The following UTS2 variants were observed in gnomAD, a reference collection of about 807,000 sequenced individuals.
The protein encoded by UTS2 is urotensin 2.
A neutral mutation model predicts 12.6 loss-of-function variants in UTS2; 10 were observed. The ratio of observed to expected loss-of-function variants is 0.80; its 90% confidence interval spans 0.49 to 1.35. UTS2 has a LOEUF of 1.35. UTS2 is among the 40% of genes most tolerant of loss of function. The pLI is 0.00. For synonymous variants in UTS2, 52 were observed against 50.0 expected, an observed-to-expected ratio of 1.04 and a Z score of -0.17; for missense variants, 142 against 143.2, an observed-to-expected ratio of 0.99 and a Z score of 0.04.
chr1:7,881,403 CA>C, the UTS2 span, among the ~76,000 whole-genome samples: 1 of 151,940 alleles, frequency 6.6e-6, no homozygotes, highest in East Asian at 1.9e-4. Context: ...AAGACTTCAC[CA>C]AAAAATCTCT....
At chr1:7,901,741 C>T in the UTS2 span, among the ~76,000 whole-genome samples, 10,467 of 151,986 alleles carry the variant, frequency 0.069, 1,345 homozygotes, top group East Asian at 0.55. Flanking sequence ...AAATGGACTT[C>T]GTGGAGGAGA....
chr1:7,900,793 AT>A, the UTS2 span, among the ~76,000 whole-genome samples: 3 of 149,704 alleles, frequency 2.0e-5, no homozygotes, highest in South Asian at 2.1e-4. Flanking sequence ...AAAAAAAAAA[AT>A]TGTTTCATGT....
At chr1:7,853,412 T>C (rs762334000), upstream of UTS2, 1 of 1,613,886 alleles carries the variant, frequency 6.2e-7, no homozygotes. Flanking sequence ...GAGCATAAGA[T>C]GAAATACGTT....
chr1:7,907,943 A>T, the UTS2 span, among the ~76,000 whole-genome samples: 1 of 151,958 alleles, frequency 6.6e-6, no homozygotes, highest in Non-Finnish European at 1.5e-5. Flanking sequence ...AAGCAAGCAG[A>T]TCACCTGAGG....
chr1:7,903,857 G>A, the UTS2 span, among the ~76,000 whole-genome samples: 1 of 152,118 alleles, frequency 6.6e-6, no homozygotes, highest in Non-Finnish European at 1.5e-5. Context: ...GAATGTGAGA[G>A]CTTTCATCTT....
chr1:7,869,170 G>A, the UTS2 span, among the ~76,000 whole-genome samples: 2 of 152,202 alleles, frequency 1.3e-5, no homozygotes, highest in African/African-American at 4.8e-5. Flanking sequence ...AGGTGGAGAG[G>A]CCTGCCAAGG....
chr1:7,853,607 C>G, upstream of UTS2: 1 of 779,564 alleles, frequency 1.3e-6, no homozygotes, highest in South Asian at 2.1e-5. Flanking sequence ...TGTACATACA[C>G]GTGGCCTCAT....
chr1:7,908,679 C>A, the UTS2 span, among the ~76,000 whole-genome samples: 1 of 151,980 alleles, frequency 6.6e-6, no homozygotes, highest in African/African-American at 2.4e-5. Context: ...ACTCTGTTCT[C>A]ATGCAGCTAA....
At chr1:7,856,926 T>C (rs1020735924), upstream of UTS2, among the ~76,000 whole-genome samples, 1 of 151,764 alleles carries the variant, frequency 6.6e-6, no homozygotes, top group Non-Finnish European at 1.5e-5. Context: ...CCGGGAGTAG[T>C]GGTGGGCGCC....
At chr1:7,866,321 T>C in the UTS2 span, among the ~76,000 whole-genome samples, 2 of 152,088 alleles carry the variant, frequency 1.3e-5, no homozygotes, top group Non-Finnish European at 2.9e-5. This position sits in a 1 kb window ranked among gnomAD's most constrained non-coding sequence, Gnocchi z 4.5. Context: ...CACCAGACAG[T>C]TTCTCAGCAG....
At chr1:7,904,490 C>A in the UTS2 span, among the ~76,000 whole-genome samples, 6 of 149,464 alleles carry the variant, frequency 4.0e-5, no homozygotes, top group South Asian at 4.2e-4. Context: ...AAAAAAAAAA[C>A]AACAAAAAAA....
At chr1:7,881,906 C>T in the UTS2 span, among the ~76,000 whole-genome samples, 2 of 152,128 alleles carry the variant, frequency 1.3e-5, no homozygotes, top group African/African-American at 4.8e-5. Context: ...ACCAAAACAG[C>T]ATGGTATTGG....
the UTS2 span, among the ~76,000 whole-genome samples, chr1:7,888,612 C>T: frequency 6.6e-6 from 1 of 152,228 alleles, no homozygotes; most frequent in Non-Finnish European, 1.5e-5. Context: ...CTGGCCATCT[C>T]ATCAAAGACA....
chr1:7,895,369 CA>C, the UTS2 span, among the ~76,000 whole-genome samples: 3 of 150,136 alleles, frequency 2.0e-5, no homozygotes, highest in Non-Finnish European at 3.0e-5. Context: ...GACTCCATCC[CA>C]AAAAAATAAA....
At chr1:7,870,512 C>T in the UTS2 span, among the ~76,000 whole-genome samples, 1 of 152,238 alleles carries the variant, frequency 6.6e-6, no homozygotes, top group Non-Finnish European at 1.5e-5. Context: ...TATTCCACTT[C>T]CAGTCTAATC....
At chr1:7,872,023 C>T in the UTS2 span, among the ~76,000 whole-genome samples, 3 of 152,038 alleles carry the variant, frequency 2.0e-5, no homozygotes, top group Non-Finnish European at 2.9e-5. Flanking sequence ...TAAGTTTGGC[C>T]GGGCGCGGTG....
chr1:7,883,755 C>G, the UTS2 span, among the ~76,000 whole-genome samples: 2 of 152,156 alleles, frequency 1.3e-5, no homozygotes, highest in Non-Finnish European at 2.9e-5. Flanking sequence ...CAGCAGCCAT[C>G]AACATCAAGG....
the UTS2 span, among the ~76,000 whole-genome samples, chr1:7,896,674 C>T: frequency 9.7e-4 from 148 of 151,862 alleles, no homozygotes; most frequent in Non-Finnish European, 1.7e-3. Context: ...CAATTAGGTT[C>T]ATCAGAACCT....
chr1:7,861,592 G>A, the UTS2 span, among the ~76,000 whole-genome samples: 13 of 152,192 alleles, frequency 8.5e-5, no homozygotes, highest in Admixed American at 5.9e-4. Flanking sequence ...CCTTTTGCAC[G>A]CGGTGTCCTC....
Sources: gnomAD v4.1 joint callset for allele counts (sites outside exome capture counted in the v4.1 genomes callset) on GRCh38, gnomAD v4.1.1 for gene constraint, Gnocchi (gnomAD v3.1) non-coding constraint, MANE v1.5 for transcripts, NCBI Gene and HGNC (gene_info 2026-07-23, HGNC 2026-07-21) for gene names.